SYT16: variants seen among roughly 807,000 people sequenced by gnomAD.
SYT16 encodes the protein synaptotagmin-16.
Under a neutral mutation model 61.4 loss-of-function variants are expected in SYT16, and 42 were observed. That is an observed-to-expected ratio of 0.68 (90% CI 0.53 to 0.89). The LOEUF (loss-of-function observed/expected upper bound fraction) is 0.89, where lower values mean the gene tolerates loss of function less well. Among genes scored for constraint, SYT16 ranks in the 40% least tolerant of loss-of-function variants. SYT16 has a pLI of 0.00. For missense variants in SYT16, 804 were observed against 807.3 expected (o/e 1.00, Z 0.05); for synonymous variants, 314 against 302.3 (o/e 1.04, Z -0.40).
chr14:61,974,023 A>G (rs557344014), intron 2 of SYT16, among the ~76,000 whole-genome samples: 1 of 152,278 alleles, frequency 6.6e-6, no homozygotes, highest in South Asian at 2.1e-4. Context: ...GAATTGTGGC[A>G]GGAGACTGCC....
At chr14:62,052,366 A>G (rs986409948) in intron 3 of SYT16, among the ~76,000 whole-genome samples, 7 of 152,204 alleles carry the variant, frequency 4.6e-5, no homozygotes, top group Non-Finnish European at 1.0e-4. Flanking sequence ...GGTTTCCAAA[A>G]GCATTTTTAT....
At position 62,110,401 on chromosome 14, in the gene SYT16, A is replaced by AT. The variant is rs1595432944; in HGVS notation, c.*9695dup. 1 of 152,144 alleles carries AT rather than the reference A, an allele frequency of 6.6e-6. No individual in the cohort carries two copies. Among genetic ancestry groups the AT allele is most frequent in the African/African-American group, 2.4e-5 (1 of 41,448 alleles). 9.4% of individuals were successfully genotyped at this position (152,144 alleles called of 1,614,324 possible). ...ACCCCACTATATAACAGGGCCATAC[A>AT]TATGACAAGGTGATAGATGGAAAGA... On this transcript the variant is annotated 3_prime_UTR_variant, in exon 8 of 8. Transcript: ENST00000683842.
chr14:61,938,509 A>G (rs2050079038), intron 1 of SYT16, among the ~76,000 whole-genome samples: 1 of 152,130 alleles, frequency 6.6e-6, no homozygotes, highest in African/African-American at 2.4e-5. Flanking sequence ...GAAATGAATA[A>G]ATAATGCTCT....
At chr14:61,947,609 A>G (rs2050498131) in intron 1 of SYT16, among the ~76,000 whole-genome samples, 1 of 152,182 alleles carries the variant, frequency 6.6e-6, no homozygotes, top group Admixed American at 6.5e-5. Flanking sequence ...TTAAAGCAAA[A>G]TGTAATCCTG....
chr14:61,992,974 C>G (rs1370523687), intron 2 of SYT16, among the ~76,000 whole-genome samples: 1 of 149,910 alleles, frequency 6.7e-6, no homozygotes, highest in Non-Finnish European at 1.5e-5. Context: ...TCATTTTTTA[C>G]AAAATTTGCC....
intron 1 of SYT16, among the ~76,000 whole-genome samples, chr14:61,868,284 A>G (rs2047224286): frequency 6.6e-6 from 1 of 151,802 alleles, no homozygotes; most frequent in South Asian, 2.1e-4. Context: ...TGTTTTTTCC[A>G]AAGAAATAAC....
rs145876533 is a variant in SYT16 at position 61,925,336 on chromosome 14, T to C, written c.-324-44796T>C. On this transcript the variant is annotated intron_variant, in intron 1 of 7. Transcript: ENST00000683842. Reference sequence around the variant, plus strand: ...AGCTTTTTGGCAGTAAGAAAGGAATTCCTGTGGCCAGTTTTAGTTAATTTG... The same window carrying C: ...AGCTTTTTGGCAGTAAGAAAGGAATCCCTGTGGCCAGTTTTAGTTAATTTG... Among the ~76,000 whole-genome samples, 33 of 152,306 alleles carry C rather than the reference T, an allele frequency of 2.2e-4. No individual in the cohort carries two copies. The East Asian group carries it at 5.2e-3, about 24-fold the overall frequency.
chr14:62,092,789 A>T (rs2057134976), intron 7 of SYT16, among the ~76,000 whole-genome samples: 1 of 151,990 alleles, frequency 6.6e-6, no homozygotes, highest in Middle Eastern at 3.2e-3. Context: ...AGATGAAAAG[A>T]GTTTTGGAGA....
intron 4 of SYT16, among the ~76,000 whole-genome samples, chr14:62,072,386 T>C (rs1026558272): frequency 6.8e-6 from 1 of 148,102 alleles, no homozygotes; most frequent in East Asian, 2.0e-4. Flanking sequence ...CATGCAGGGG[T>C]GTGTGTGTGT....
chr14:62,006,412 A>G (rs1467390284), intron 3 of SYT16, among the ~76,000 whole-genome samples: 1 of 152,142 alleles, frequency 6.6e-6, no homozygotes, highest in East Asian at 1.9e-4. Context: ...CGCTTTTCCC[A>G]TTTAACCTTG....
intron 1 of SYT16, among the ~76,000 whole-genome samples, chr14:61,930,790 TAAG>T (rs1008220147): frequency 2.6e-5 from 4 of 151,994 alleles, no homozygotes; most frequent in Admixed American, 6.6e-5. Context: ...TAATGTGATA[TAAG>T]AAGAACTCCA....
At chr14:61,829,230 ACTTC>A (rs889060142) in intron 1 of SYT16, among the ~76,000 whole-genome samples, 2 of 148,892 alleles carry the variant, frequency 1.3e-5, no homozygotes, top group African/African-American at 4.9e-5. Context: ...AAAAAGTGCC[ACTTC>A]CTTCTGGCCT....
rs116971983 is a variant in SYT16 at position 62,078,725 on chromosome 14, C to T, written c.994-2109C>T. On this transcript the variant is annotated intron_variant, in intron 5 of 7. Transcript: ENST00000683842. Reference sequence around the variant, plus strand: ...TATGAACTGATAGGACAACTGACTACGGGGCAAAAAGTAGACTTCACATAT... The same window carrying T: ...TATGAACTGATAGGACAACTGACTATGGGGCAAAAAGTAGACTTCACATAT... Among the ~76,000 whole-genome samples the T allele has an allele frequency of 4.1e-3, 631 of 152,270 alleles. 4 individuals carry two copies. Among genetic ancestry groups the T allele is most frequent in the South Asian group, 8.9e-3 (43 of 4,830 alleles).
In SYT16 at chr14:61,877,002, CTGGCAGGGGT is replaced by C. The variant is rs2047523051; in HGVS notation, c.-325+64195_-325+64204del. Among the ~76,000 whole-genome samples the C allele has an allele frequency of 2.6e-5, 4 of 152,308 alleles. No homozygotes were observed. The South Asian group carries it at 8.3e-4, about 32-fold the overall frequency. On this transcript the variant is annotated intron_variant, in intron 1 of 7. Transcript: ENST00000683842. ...AGGAGAAAGCACCTCTTTTCTCCTC[CTGGCAGGGGT>C]TGTTTTTCTCATCAGACCTCCTACC...
chr14:62,043,673 C>T (rs963860211), intron 3 of SYT16, among the ~76,000 whole-genome samples: 1 of 152,104 alleles, frequency 6.6e-6, no homozygotes, highest in Non-Finnish European at 1.5e-5. Context: ...TCCCAAAGTG[C>T]TGGGATTACA....
chr14:62,015,034 C>T (rs551123987), intron 3 of SYT16, among the ~76,000 whole-genome samples: 1 of 152,326 alleles, frequency 6.6e-6, no homozygotes, highest in East Asian at 1.9e-4. Flanking sequence ...CTCTAGGAAG[C>T]CTTCCTTGTC....
At chr14:62,050,223 T>C (rs2055208240) in intron 3 of SYT16, among the ~76,000 whole-genome samples, 2 of 152,196 alleles carry the variant, frequency 1.3e-5, no homozygotes, top group South Asian at 2.1e-4. Context: ...TCGTTCATTT[T>C]GTCTTCCTTT....
intron 6 of SYT16, among the ~76,000 whole-genome samples, chr14:62,083,577 T>C (rs546066212): frequency 7.7e-4 from 117 of 152,192 alleles, no homozygotes; most frequent in African/African-American, 2.7e-3. Flanking sequence ...ACAACCCATG[T>C]GTTGTCTTTT....
At chr14:62,084,700 C>T (rs1470424359) in intron 7 of SYT16, among the ~76,000 whole-genome samples, 2 of 152,134 alleles carry the variant, frequency 1.3e-5, no homozygotes, top group African/African-American at 4.8e-5. Context: ...CCTAGGCCCT[C>T]AACTTTAAAG....
Sources: allele counts gnomAD v4.1 joint callset (sites outside exome capture counted in the v4.1 genomes callset), GRCh38; gene constraint gnomAD v4.1.1; transcripts MANE v1.5; gene names NCBI Gene and HGNC (gene_info 2026-07-23, HGNC 2026-07-21).